Variants in FNTB observed in about 807,000 individuals in gnomAD.
FNTB encodes the protein farnesyltransferase, CAAX box, subunit beta, also known as protein farnesyltransferase subunit beta.
Under a neutral mutation model 59.4 loss-of-function variants are expected in FNTB, and 27 were observed. The observed-to-expected ratio is 0.45, with a 90% CI of 0.34 to 0.63. The LOEUF (loss-of-function observed/expected upper bound fraction) is 0.63, where lower values mean the gene tolerates loss of function less well. Among genes scored for constraint, FNTB ranks in the 20% least tolerant of loss-of-function variants. The probability of loss-of-function intolerance (pLI) is 0.02; values close to 1 mark genes in which losing one functional copy is unlikely to be tolerated. For missense variants in FNTB, 449 were observed against 559.6 expected (o/e 0.80, Z 1.99); for synonymous variants, 230 against 220.7 (o/e 1.04, Z -0.37).
intron 7 of FNTB, among the ~76,000 whole-genome samples, chr14:65,037,756 A>C (rs2062242935): frequency 7.9e-6 from 1 of 126,616 alleles, no homozygotes; most frequent in African/African-American, 3.2e-5. Context: ...TTATTTATTT[A>C]TTTATTTATT....
rs1888145291 is a variant in FNTB, at chr14:64,990,318, G to A, written c.144+3221G>A. ...GGAGGGGGCCCTGCACTGACAGGTT[G>A]CCTTGCTTTATGGCTGCGGGCCATG... On this transcript the variant is annotated intron_variant, in intron 1 of 11. Transcript: ENST00000246166. This position sits in a 1 kb window ranked among gnomAD's most constrained non-coding sequence, Gnocchi z 5.2. Among the ~76,000 whole-genome samples the A allele has an allele frequency of 6.6e-6, 1 of 152,206 alleles. No individual in the cohort carries two copies. Among genetic ancestry groups the A allele is most frequent in the Admixed American group, 6.5e-5 (1 of 15,290 alleles).
At chr14:65,015,341 G>T (rs2061750285) in intron 3 of FNTB, among the ~76,000 whole-genome samples, 1 of 150,544 alleles carries the variant, frequency 6.6e-6, no homozygotes, top group African/African-American at 2.4e-5. Flanking sequence ...GACCTTAAAT[G>T]ATCCACCCAC....
rs1334605700 is a variant in FNTB, at chr14:64,997,981, CAT to C, written c.145-6265_145-6264del. Among the ~76,000 whole-genome samples, 4 of 152,212 alleles carry C rather than the reference CAT, an allele frequency of 2.6e-5. No homozygotes were observed. Among genetic ancestry groups the C allele is most frequent in the African/African-American group, 9.6e-5 (4 of 41,462 alleles). Reference sequence around the variant, plus strand: ...GCCAAAGAAGCCTATCGTGGGAAGACATATTCTGGTCTCCTACAGTCATGTTT... The same window carrying C: ...GCCAAAGAAGCCTATCGTGGGAAGACATTCTGGTCTCCTACAGTCATGTTT... On this transcript the variant is annotated intron_variant, in intron 1 of 11. Transcript: ENST00000246166. The surrounding 1 kb of genome is among the most constrained non-coding windows in gnomAD (Gnocchi z 4.5).
intron 9 of FNTB, among the ~76,000 whole-genome samples, chr14:65,051,187 A>C (rs1346370140): frequency 6.6e-6 from 1 of 152,212 alleles, no homozygotes; most frequent in Admixed American, 6.5e-5. Flanking sequence ...GAAGACGAGA[A>C]GCTTTTGTCC....
At chr14:65,061,047 G>T in intron 11 of FNTB, 134 bp from the exon 12 acceptor site, 1 of 1,422,310 alleles carries the variant, frequency 7.0e-7, no homozygotes, top group South Asian at 1.4e-5. Flanking sequence ...CACCATTTTT[G>T]AACCTTTGGG....
rs2098613534 is a variant in FNTB at position 65,031,272 on chromosome 14, G to A, written c.606-1338G>A. Reference sequence around the variant, plus strand: ...GCCCCGAGAAGAATTAGGGCTGGGAGGATGGAACAGCAAGAATGATCCTAA... The same window carrying A: ...GCCCCGAGAAGAATTAGGGCTGGGAAGATGGAACAGCAAGAATGATCCTAA... On this transcript the variant is annotated intron_variant, in intron 6 of 11. Coordinates refer to ENST00000246166, the MANE Select transcript of FNTB (RefSeq NM_002028.4). The surrounding 1 kb of genome is among the most constrained non-coding windows in gnomAD (Gnocchi z 4.6). Among the ~76,000 whole-genome samples the A allele has an allele frequency of 1.3e-5, 2 of 152,006 alleles. No individual in the cohort carries two copies. The highest frequency in any genetic ancestry group is 4.2e-4 in the South Asian group (2 of 4,794).
At chr14:64,996,611 G>A (rs533446754) in intron 1 of FNTB, among the ~76,000 whole-genome samples, 1 of 152,182 alleles carries the variant, frequency 6.6e-6, no homozygotes, top group South Asian at 2.1e-4. Context: ...GTTGTGGCCT[G>A]CCTATCTAAG....
In FNTB at chr14:65,029,490, G is replaced by C. The variant is rs1043147732; in HGVS notation, c.605+1709G>C. On this transcript the variant is annotated intron_variant, in intron 6 of 11. Coordinates refer to ENST00000246166, the MANE Select transcript of FNTB (RefSeq NM_002028.4). This position sits in a 1 kb window ranked among gnomAD's most constrained non-coding sequence, Gnocchi z 4.7. Reference sequence around the variant, plus strand: ...AGTTTCAGAGATGAGCCTACTCAAGGGTCTGTAGTTCCAGTGTATTGTAAA... The same window carrying C: ...AGTTTCAGAGATGAGCCTACTCAAGCGTCTGTAGTTCCAGTGTATTGTAAA... Among the ~76,000 whole-genome samples, 5 of 152,164 alleles carry C rather than the reference G, an allele frequency of 3.3e-5. No individual in the cohort carries two copies. The highest frequency in any genetic ancestry group is 2.6e-4 in the Admixed American group (4 of 15,278).
At chr14:65,026,923 C>T (rs1309082212) in intron 4 of FNTB, among the ~76,000 whole-genome samples, 1 of 152,046 alleles carries the variant, frequency 6.6e-6, no homozygotes, top group Non-Finnish European at 1.5e-5. Flanking sequence ...CAGTGGCCCA[C>T]AGAGGCTTAG....
chr14:64,990,047 G>A lies in FNTB; in HGVS notation c.144+2950G>A, dbSNP rs1286447571. ...GAGGGAGGAAGCCATCATGGATCTG[G>A]TGCAAGAGTATTCTGGGCAGAGAAA... On this transcript the variant is annotated intron_variant, in intron 1 of 11. Coordinates refer to ENST00000246166, the MANE Select transcript of FNTB (RefSeq NM_002028.4). The surrounding 1 kb of genome is among the most constrained non-coding windows in gnomAD (Gnocchi z 5.2). 6.6e-6 allele frequency among the ~76,000 whole-genome samples: 1 copy of A among 152,152 alleles called. No individual in the cohort carries two copies. The highest frequency in any genetic ancestry group is 1.5e-5 in the Non-Finnish European group (1 of 68,028).
intron 2 of FNTB, among the ~76,000 whole-genome samples, chr14:65,005,473 C>CT (rs1409213934): frequency 7.5e-6 from 1 of 132,960 alleles, no homozygotes; most frequent in African/African-American, 3.2e-5. Context: ...TTCTTTCTTT[C>CT]TTTCTTTCTT....
chr14:65,039,285 T>C (rs1030234001), intron 7 of FNTB, among the ~76,000 whole-genome samples: 7 of 152,174 alleles, frequency 4.6e-5, no homozygotes, highest in Non-Finnish European at 8.8e-5. Flanking sequence ...TTGTGTGAAA[T>C]ACACAGAGGA....
intron 1 of FNTB, among the ~76,000 whole-genome samples, chr14:64,993,325 G>A (rs1015084051): frequency 8.5e-5 from 13 of 152,186 alleles, no homozygotes; most frequent in African/African-American, 3.1e-4. Context: ...GTTTACACAT[G>A]GAAGTGTGAG....
chr14:65,035,943 C>T (rs750685990), intron 7 of FNTB, among the ~76,000 whole-genome samples: 13 of 150,030 alleles, frequency 8.7e-5, no homozygotes, highest in African/African-American at 1.7e-4. Flanking sequence ...GCAGTCTTCC[C>T]ACCTCAGCCT....
intron 8 of FNTB, among the ~76,000 whole-genome samples, chr14:65,042,170 T>C (rs1164769634): frequency 6.6e-6 from 1 of 152,164 alleles, no homozygotes; most frequent in African/African-American, 2.4e-5. Flanking sequence ...GGAGATAATT[T>C]TTCCGTGGAC....
intron 2 of FNTB, 116 bp downstream of exon 2, chr14:65,004,429 T>C (rs1353686384): frequency 4.5e-6 from 5 of 1,117,002 alleles, no homozygotes; most frequent in Non-Finnish European, 6.5e-6. Flanking sequence ...AAGAATGGTG[T>C]TTCTTGTCCT....
rs774189875 is a variant in FNTB, at chr14:65,009,577, C to T, written c.210-2740C>T. On this transcript the variant is annotated intron_variant, in intron 2 of 11. Transcript: ENST00000246166. This position sits in a 1 kb window ranked among gnomAD's most constrained non-coding sequence, Gnocchi z 4.2. ...AAAGAATGCAGCATCCTTCCTTATT[C>T]CAGGCTCACCTCTCCTACTATACCC... 2.0e-4 allele frequency among the ~76,000 whole-genome samples: 31 copies of T among 152,230 alleles called. No individual in the cohort carries two copies. Among genetic ancestry groups the T allele is most frequent in the Non-Finnish European group, 4.0e-4 (27 of 68,020 alleles).
At chr14:64,987,474 C>T (rs1887995726) in intron 1 of FNTB, 1 of 233,970 alleles carries the variant, frequency 4.3e-6, no homozygotes, top group South Asian at 6.6e-5. Context: ...CTTTTCCCAA[C>T]CTGCCCTCAG....
intron 2 of FNTB, among the ~76,000 whole-genome samples, chr14:65,008,920 C>G (rs1171757069): frequency 1.3e-5 from 2 of 152,198 alleles, no homozygotes; most frequent in Non-Finnish European, 2.9e-5. Flanking sequence ...CCCACTTGCT[C>G]TCCTGTCACC....
Sources: gnomAD v4.1 joint callset for allele counts (sites outside exome capture counted in the v4.1 genomes callset) on GRCh38, gnomAD v4.1.1 for gene constraint, Gnocchi (gnomAD v3.1) non-coding constraint, MANE v1.5 for transcripts, NCBI Gene and HGNC (gene_info 2026-07-23, HGNC 2026-07-21) for gene names.